FNTA: variants seen among roughly 807,000 people sequenced by gnomAD.
FNTA encodes the protein protein farnesyltransferase/geranylgeranyltransferase type-1 subunit alpha.
Under a neutral mutation model 55.2 loss-of-function variants are expected in FNTA, and 27 were observed. The observed-to-expected ratio is 0.49, with a 90% CI of 0.36 to 0.67. The LOEUF is 0.67. Ranked by LOEUF, FNTA falls within the 30% of genes least tolerant of loss-of-function variation. FNTA has a pLI of 0.00. For synonymous variants in FNTA, 176 were observed against 170.7 expected (o/e 1.03, Z -0.24); for missense variants, 422 against 464.7 (o/e 0.91, Z 0.85).
chr8:43,066,587 CGT>C (rs34748037), intron 3 of FNTA, among the ~76,000 whole-genome samples: 82 of 148,678 alleles, frequency 5.5e-4, no homozygotes, highest in Non-Finnish European at 7.1e-4. Context: ...TAGCATCGTT[CGT>C]GTGTGTGTGT....
chr8:43,071,327 A>G (rs1409034771), intron 4 of FNTA, among the ~76,000 whole-genome samples: 1 of 152,138 alleles, frequency 6.6e-6, no homozygotes, highest in Non-Finnish European at 1.5e-5. Flanking sequence ...TCAGCCAAAG[A>G]AAATTATAAA....
chr8:43,073,852 C>G (rs1480976445), intron 5 of FNTA, among the ~76,000 whole-genome samples: 1 of 152,130 alleles, frequency 6.6e-6, no homozygotes, highest in Non-Finnish European at 1.5e-5. Context: ...CCAGCCCATA[C>G]TTTCAGTAGT....
At chr8:43,078,665 A>G (rs1373606945) in intron 6 of FNTA, 1 of 152,214 alleles carries the variant, frequency 6.6e-6, no homozygotes, top group Non-Finnish European at 1.5e-5. Context: ...GAGACACAAC[A>G]ATATTGAAAT....
At chr8:43,063,845 A>G (rs1218788566) in intron 2 of FNTA, among the ~76,000 whole-genome samples, 2 of 152,314 alleles carry the variant, frequency 1.3e-5, no homozygotes, top group African/African-American at 4.8e-5. Flanking sequence ...CCTATGGGAG[A>G]TATGGAATCT....
intron 2 of FNTA, chr8:43,063,135 G>A (rs1049103791): frequency 3.0e-5 from 10 of 332,700 alleles, no homozygotes; most frequent in East Asian, 2.8e-4. Context: ...ACCCAGGCTC[G>A]GTGCTTGCGA....
chr8:43,077,193 A>C lies in FNTA; in HGVS notation c.634-23A>C, dbSNP rs1252008787. 5 of 1,520,344 alleles carry C rather than the reference A, an allele frequency of 3.3e-6. No individual in the cohort carries two copies. In the East Asian group the frequency reaches 1.2e-4, roughly 35 times the overall value. The allele number at this position is 1,520,344 out of a possible 1,614,324, so 94.2% of individuals were successfully genotyped here. On this transcript the variant is annotated intron_variant, in intron 5 of 8. Coordinates refer to ENST00000302279, the MANE Select transcript of FNTA (RefSeq NM_002027.3). ...ATAATGGGACATTTCTAATTGGATGATTTTTCTAAATTTTTCCTTTAGGAA... is the reference window on the plus strand; with the variant it reads ...ATAATGGGACATTTCTAATTGGATGCTTTTTCTAAATTTTTCCTTTAGGAA...
rs550872842 is a variant in FNTA, at chr8:43,056,394, C to G, written c.48C>G (p.Pro16=). ...GVGEAAQGGE[P]GQPAQPPPQP... Reference sequence around the variant, plus strand: ...GGGAGGCTGCGCAAGGGGGCGAGCCCGGGCAGCCGGCGCAACCCCCGCCCC... The same window carrying G: ...GGGAGGCTGCGCAAGGGGGCGAGCCGGGGCAGCCGGCGCAACCCCCGCCCC... The change falls in exon 1 of 9, where the codon CCC becomes CCG. Residue 16 remains proline (P), a synonymous_variant. Coordinates refer to ENST00000302279, the MANE Select transcript of FNTA (RefSeq NM_002027.3). 2 of 1,505,102 alleles carry G rather than the reference C, an allele frequency of 1.3e-6. No homozygotes were observed. The highest frequency in any genetic ancestry group is 1.3e-5 in the South Asian group (1 of 79,512). 93.2% of individuals were successfully genotyped at this position (1,505,102 alleles called of 1,614,324 possible). A position where few individuals can be genotyped will look rare whatever the true frequency, so the allele number is the denominator to read the frequency against.
rs140256511 is a variant in FNTA, at chr8:43,064,592, G to T, written c.401+377G>T. On this transcript the variant is annotated intron_variant, in intron 3 of 8. Transcript: ENST00000302279. ...GGCCTCCTAAAGTGTTTGGATTGCA[G>T]GTGTGAGCCACTGTGCCTGGCCTTT... is the stretch of plus-strand genomic sequence containing the variant. 2.0e-3 allele frequency among the ~76,000 whole-genome samples: 306 copies of T among 152,260 alleles called. 1 individual carries two copies. The highest frequency in any genetic ancestry group is 0.011 in the South Asian group (53 of 4,818).
chr8:43,084,683 G>A (rs1811090842), intron 7 of FNTA, 27 bp from the exon 8 acceptor site: 2 of 1,554,236 alleles, frequency 1.3e-6, no homozygotes, highest in South Asian at 1.2e-5. Context: ...ACAAAATCAA[G>A]TCTTTGTTTT....
intron 1 of FNTA, among the ~76,000 whole-genome samples, chr8:43,057,565 C>T (rs1267046162): frequency 6.6e-6 from 1 of 152,184 alleles, no homozygotes; most frequent in East Asian, 1.9e-4. Context: ...CATGATTTCA[C>T]TTGTATTTCT....
At chr8:43,060,354 T>G (rs1810502534) in intron 2 of FNTA, among the ~76,000 whole-genome samples, 1 of 152,154 alleles carries the variant, frequency 6.6e-6, no homozygotes, top group Admixed American at 6.6e-5. Flanking sequence ...CCATTGAGGA[T>G]AAATTAACCT....
chr8:43,065,309 G>A (rs1396069509), intron 3 of FNTA, among the ~76,000 whole-genome samples: 1 of 150,814 alleles, frequency 6.6e-6, no homozygotes, highest in Non-Finnish European at 1.5e-5. Flanking sequence ...GTGCAGTGGT[G>A]CAATCTTGGC....
chr8:43,061,617 G>C (rs1460234544), intron 2 of FNTA, among the ~76,000 whole-genome samples: 1 of 152,122 alleles, frequency 6.6e-6, no homozygotes, highest in East Asian at 1.9e-4. Flanking sequence ...CTATATAACC[G>C]TTAAGAGGAT....
chr8:43,083,819 T>C (rs1223328794), intron 7 of FNTA, among the ~76,000 whole-genome samples: 1 of 152,158 alleles, frequency 6.6e-6, no homozygotes, highest in Non-Finnish European at 1.5e-5. Context: ...ATGCCTGCAA[T>C]CCCAGCACTT....
At chr8:43,083,940 G>C (rs1003593799) in intron 7 of FNTA, among the ~76,000 whole-genome samples, 9 of 152,128 alleles carry the variant, frequency 5.9e-5, no homozygotes, top group Admixed American at 1.3e-4. Context: ...GAGCATGTTG[G>C]TGCACACCTG....
chr8:43,071,529 G>A (rs1286652947), intron 4 of FNTA, among the ~76,000 whole-genome samples: 1 of 151,778 alleles, frequency 6.6e-6, no homozygotes, highest in African/African-American at 2.4e-5. Context: ...AAAATTAGCC[G>A]GGCGTGGTGG....
At chr8:43,079,346 G>T in intron 6 of FNTA, 2 of 155,708 alleles carry the variant, frequency 1.3e-5, no homozygotes, top group South Asian at 3.9e-4. Flanking sequence ...TGCAGCTGGT[G>T]ACTTGAAGTT....
intron 3 of FNTA, among the ~76,000 whole-genome samples, chr8:43,068,402 C>T (rs1202351844): frequency 6.6e-6 from 1 of 152,064 alleles, no homozygotes; most frequent in African/African-American, 2.4e-5. Context: ...TAGGAAAATT[C>T]CTTTTGTTGG....
intron 5 of FNTA, among the ~76,000 whole-genome samples, chr8:43,076,286 C>T: frequency 6.6e-6 from 1 of 152,028 alleles, no homozygotes; most frequent in East Asian, 1.9e-4. Flanking sequence ...TCAGGTGATC[C>T]ACCCACCTCG....
Sources: gnomAD v4.1 joint callset for allele counts (sites outside exome capture counted in the v4.1 genomes callset) on GRCh38, gnomAD v4.1.1 for gene constraint, MANE v1.5 for transcripts, NCBI Gene and HGNC (gene_info 2026-07-23, HGNC 2026-07-21) for gene names.